The following CNIH3 variants were observed in gnomAD, a reference collection of about 807,000 sequenced individuals.
CNIH3 encodes the protein cornichon family AMPA receptor auxiliary protein 3.
In CNIH3, 14 loss-of-function variants were observed where a neutral mutation model predicts 24.1. The observed-to-expected ratio is 0.58, with a 90% CI of 0.38 to 0.91. CNIH3 has a LOEUF of 0.91. Ranked by LOEUF, CNIH3 falls within the 40% of genes least tolerant of loss-of-function variation. The probability of loss-of-function intolerance (pLI) is 0.00; values close to 1 mark genes in which losing one functional copy is unlikely to be tolerated. For synonymous variants in CNIH3, 68 were observed against 73.8 expected, an observed-to-expected ratio of 0.92 and a Z score of 0.40; for missense variants, 178 against 196.8, an observed-to-expected ratio of 0.90 and a Z score of 0.57.
chr1:224,586,697 G>C (rs1265728169), intron 5 of CNIH3, among the ~76,000 whole-genome samples: 1 of 152,154 alleles, frequency 6.6e-6, no homozygotes, highest in Non-Finnish European at 1.5e-5. Context: ...TTGGAAATAG[G>C]GTCTTTGCAG....
intron 3 of CNIH3, among the ~76,000 whole-genome samples, chr1:224,696,452 A>G (rs1469190265): frequency 6.6e-6 from 1 of 152,184 alleles, no homozygotes; most frequent in Non-Finnish European, 1.5e-5. Context: ...ACGGCTGCAG[A>G]TCTCTGTCTC....
chr1:224,524,966 G>T (rs543711517), intron 2 of CNIH3, among the ~76,000 whole-genome samples: 2 of 152,260 alleles, frequency 1.3e-5, no homozygotes, highest in South Asian at 4.1e-4. Flanking sequence ...TTAGACTATA[G>T]GATATAAATC....
rs1682990225 is a variant in CNIH3, at chr1:224,616,427, C to G, written c.-748C>G. The G allele has an allele frequency of 1.0e-6, 1 of 986,956 alleles. No individual in the cohort carries two copies. The highest frequency in any genetic ancestry group is 1.8e-5 in the African/African-American group (1 of 57,122). The allele number at this position is 986,956 out of a possible 1,614,324, so 61.1% of individuals were successfully genotyped here. A position where few individuals can be genotyped will look rare whatever the true frequency, so the allele number is the denominator to read the frequency against. ...GCAGCCACCCGGGCTGGAGTTGGCC[C>G]GTTGGGTGGAGCCAGTGCTCGCCCC... is the stretch of plus-strand genomic sequence containing the variant. On this transcript the variant is annotated 5_prime_UTR_variant, in exon 1 of 6. Transcript: ENST00000272133.
At chr1:224,460,371 T>C (rs1397335959) in intron 1 of CNIH3, among the ~76,000 whole-genome samples, 6 of 152,236 alleles carry the variant, frequency 3.9e-5, no homozygotes, top group Non-Finnish European at 8.8e-5. Context: ...AAAGTTTTCT[T>C]AGGCCTCTTC....
chr1:224,461,992 T>G (rs1458032914), intron 1 of CNIH3, among the ~76,000 whole-genome samples: 1 of 152,124 alleles, frequency 6.6e-6, no homozygotes, highest in East Asian at 1.9e-4. Context: ...TTCCTTTTTT[T>G]TAAAAAAAAG....
intron 2 of CNIH3, among the ~76,000 whole-genome samples, 181 bp downstream of exon 2, chr1:224,681,207 T>C (rs1170024474): frequency 1.3e-5 from 2 of 152,144 alleles, no homozygotes; most frequent in African/African-American, 4.8e-5. Flanking sequence ...GCTGAGGTCT[T>C]GAGATATGTT....
intron 3 of CNIH3, among the ~76,000 whole-genome samples, chr1:224,711,325 T>TC (rs11431741): frequency 0.01 from 755 of 74,414 alleles, 7 homozygotes; most frequent in African/African-American, 0.035. Context: ...TCTCTCTCTC[T>TC]TTTTTTTTTT....
At chr1:224,690,453 AGCCTCCCAAAGT>A (rs1347815636) in intron 3 of CNIH3, among the ~76,000 whole-genome samples, 2 of 152,160 alleles carry the variant, frequency 1.3e-5, no homozygotes, top group Non-Finnish European at 2.9e-5. Flanking sequence ...CAGTCTCCTC[AGCCTCCCAAAGT>A]GCTGGGATTA....
chr1:224,681,836 G>A (rs1348985403), intron 2 of CNIH3, among the ~76,000 whole-genome samples: 1 of 152,200 alleles, frequency 6.6e-6, no homozygotes, highest in East Asian at 1.9e-4. Flanking sequence ...AGTTCAAAGG[G>A]TGGTGCACAC....
chr1:224,608,565 C>T (rs1228128342), intron 3 of CNIH3, among the ~76,000 whole-genome samples: 1 of 152,212 alleles, frequency 6.6e-6, no homozygotes, highest in African/African-American at 2.4e-5. Context: ...AATGCTCTTC[C>T]ATACAATATC....
chr1:224,546,209 A>G (rs1044625917), intron 2 of CNIH3, among the ~76,000 whole-genome samples: 1 of 152,230 alleles, frequency 6.6e-6, no homozygotes, highest in Non-Finnish European at 1.5e-5. Context: ...TCATTCTTGT[A>G]TGTTTGGATA....
intron 1 of CNIH3, among the ~76,000 whole-genome samples, chr1:224,646,790 G>A (rs1684626780): frequency 6.6e-6 from 1 of 152,170 alleles, no homozygotes; most frequent in Non-Finnish European, 1.5e-5. Flanking sequence ...CCGGTTGACA[G>A]AAATAATATT....
intron 2 of CNIH3, among the ~76,000 whole-genome samples, chr1:224,536,532 C>A (rs1439709942): frequency 6.6e-6 from 1 of 152,084 alleles, no homozygotes; most frequent in Non-Finnish European, 1.5e-5. Context: ...CTCAGGTGAT[C>A]TGCCCACCTC....
At position 224,452,650 on chromosome 1, in the gene CNIH3, T is replaced by C. The variant is rs558260708; in HGVS notation, n.203+17788T>C. Among the ~76,000 whole-genome samples, 509 of 150,804 alleles carry C rather than the reference T, an allele frequency of 3.4e-3. 3 individuals are homozygous for C. The highest frequency in any genetic ancestry group is 5.9e-3 in the Admixed American group (89 of 15,184). ...CAAAAACATTAGCCAGGTGTGGTGATGGGCACCTGTAGTCCCAGCTACTCG... is the reference window on the plus strand; with the variant it reads ...CAAAAACATTAGCCAGGTGTGGTGACGGGCACCTGTAGTCCCAGCTACTCG... On this transcript the variant is annotated intron_variant and non_coding_transcript_variant, in intron 1 of 5. Transcript: ENST00000471578.
At chr1:224,511,455 G>A (rs1426950525), upstream of CNIH3, among the ~76,000 whole-genome samples, 1 of 152,182 alleles carries the variant, frequency 6.6e-6, no homozygotes, top group African/African-American at 2.4e-5. Context: ...AGTCAGACCC[G>A]CATGTGATCA....
chr1:224,558,811 T>C (rs1440321916), intron 3 of CNIH3, among the ~76,000 whole-genome samples: 1 of 152,220 alleles, frequency 6.6e-6, no homozygotes, highest in Non-Finnish European at 1.5e-5. Flanking sequence ...GGACACCTTT[T>C]CCTACTTCAC....
chr1:224,592,769 G>A (rs1211897209), downstream of CNIH3, among the ~76,000 whole-genome samples: 1 of 152,154 alleles, frequency 6.6e-6, no homozygotes, highest in Non-Finnish European at 1.5e-5. Flanking sequence ...GCACCAGGAA[G>A]CTCCCCTACT....
At chr1:224,643,805 T>A (rs965998349) in intron 1 of CNIH3, among the ~76,000 whole-genome samples, 1 of 152,208 alleles carries the variant, frequency 6.6e-6, no homozygotes, top group African/African-American at 2.4e-5. Flanking sequence ...GGGGCCGGAC[T>A]CCTTCCTGCT....
chr1:224,633,958 T>C (rs1481517366), intron 1 of CNIH3, among the ~76,000 whole-genome samples: 1 of 152,266 alleles, frequency 6.6e-6, no homozygotes, highest in African/African-American at 2.4e-5. Flanking sequence ...TTTGATGTGT[T>C]ATCCATGTGA....
Sources: gnomAD v4.1 joint callset for allele counts (sites outside exome capture counted in the v4.1 genomes callset) on GRCh38, gnomAD v4.1.1 for gene constraint, MANE v1.5 for transcripts, NCBI Gene and HGNC (gene_info 2026-07-23, HGNC 2026-07-21) for gene names.